Variants in COX15 observed in about 807,000 individuals in gnomAD.
The protein encoded by COX15 is heme A synthase COX15.
COX15 carries 51 observed loss-of-function variants against 51.9 expected under a neutral mutation model. The observed-to-expected ratio is 0.98, with a 90% confidence interval of 0.78 to 1.24. The LOEUF (loss-of-function observed/expected upper bound fraction) is 1.24, where lower values mean the gene tolerates loss of function less well. COX15 is among the 50% of genes most tolerant of loss of function. The probability of loss-of-function intolerance (pLI) is 0.00; values close to 1 mark genes in which losing one functional copy is unlikely to be tolerated. For synonymous variants in COX15, 188 were observed against 190.5 expected (o/e 0.99, Z 0.11); for missense variants, 420 against 501.1 (o/e 0.84, Z 1.55).
At chr10:99,720,943 A>C in intron 6 of COX15, 44 bp downstream of exon 6, 1 of 1,498,636 alleles carries the variant, frequency 6.7e-7, no homozygotes, top group East Asian at 2.3e-5. Flanking sequence ...GTCCCAGCTT[A>C]GAGTGCAATG....
chr10:99,728,041 G>C (rs1026034681), intron 2 of COX15, among the ~76,000 whole-genome samples: 1 of 152,128 alleles, frequency 6.6e-6, no homozygotes, highest in Non-Finnish European at 1.5e-5. Flanking sequence ...TAAGGGACGT[G>C]GAATGTGAAG....
rs2036415188 is a variant in COX15, at chr10:99,712,185, T to C, written c.*2402A>G. The C allele has an allele frequency of 1.0e-6, 1 of 971,504 alleles. No individual in the cohort carries two copies. The highest frequency in any genetic ancestry group is 1.2e-6 in the Non-Finnish European group (1 of 817,424). The allele number at this position is 971,504 out of a possible 1,614,324, so 60.2% of individuals were successfully genotyped here. On this transcript the variant is annotated 3_prime_UTR_variant, in exon 9 of 9. Transcript: ENST00000016171. ...TGAATGTCACACTTTGAACATGAGATTTGGAGGGGACAAAACATCCAAACC... is the reference window on the plus strand; with the variant it reads ...TGAATGTCACACTTTGAACATGAGACTTGGAGGGGACAAAACATCCAAACC...
chr10:99,729,877 T>C lies in COX15; in HGVS notation c.91-143A>G, dbSNP rs369039289. On this transcript the variant is annotated intron_variant, in intron 1 of 8. Coordinates refer to ENST00000016171, the MANE Select transcript of COX15 (RefSeq NM_078470.6). Reference sequence around the variant, plus strand: ...AGTCATCATCTCTTATCTGGATTACTGCATCAGCCTTCCAACTGGTTTTCC... The same window carrying C: ...AGTCATCATCTCTTATCTGGATTACCGCATCAGCCTTCCAACTGGTTTTCC... The C allele has an allele frequency of 1.4e-5, 12 of 846,290 alleles. No homozygotes were observed. In the African/African-American group the frequency reaches 2.0e-4, roughly 14 times the overall value. 52.4% of individuals were successfully genotyped at this position (846,290 alleles called of 1,614,324 possible).
chr10:99,713,241 AATGAT>A lies in COX15; in HGVS notation c.*1341_*1345del, dbSNP rs2036455157. On this transcript the variant is annotated 3_prime_UTR_variant, in exon 9 of 9. Transcript: ENST00000016171. ...CTAAAATCCCGTCTTTTTTATATGAAATGATATAAGGCCAGGTTTCTTCAGCCCAA... is the reference window on the plus strand; with the variant it reads ...CTAAAATCCCGTCTTTTTTATATGAAATAAGGCCAGGTTTCTTCAGCCCAA... 1.4e-6 allele frequency: 2 copies of A among 1,424,704 alleles called. No individual in the cohort carries two copies. Among genetic ancestry groups the A allele is most frequent in the African/African-American group, 1.4e-5 (1 of 69,260 alleles). 88.3% of individuals were successfully genotyped at this position (1,424,704 alleles called of 1,614,324 possible).
At chr10:99,702,057 A>C in the COX15 span, among the ~76,000 whole-genome samples, 1 of 151,694 alleles carries the variant, frequency 6.6e-6, no homozygotes, top group African/African-American at 2.4e-5. Context: ...TCAAAAAAAA[A>C]CAAAAATTGT....
intron 1 of COX15, among the ~76,000 whole-genome samples, chr10:99,730,830 G>C (rs755604266): frequency 5.9e-5 from 9 of 152,192 alleles, no homozygotes; most frequent in Non-Finnish European, 7.3e-5. Context: ...GGAGGCCAAG[G>C]TGAGAGGATC....
chr10:99,709,594 A>C, downstream of COX15: 1 of 985,124 alleles, frequency 1.0e-6, no homozygotes. Flanking sequence ...TCAAATTGAA[A>C]ACTTTTAGGT....
chr10:99,724,863 T>C (rs1180565465), intron 4 of COX15, among the ~76,000 whole-genome samples: 1 of 152,144 alleles, frequency 6.6e-6, no homozygotes, highest in East Asian at 1.9e-4. Context: ...ATTATAAAAG[T>C]TTCAGGGGAA....
chr10:99,703,682 A>G, the COX15 span, among the ~76,000 whole-genome samples: 3 of 152,034 alleles, frequency 2.0e-5, no homozygotes, highest in African/African-American at 7.2e-5. Flanking sequence ...CTTTATTTAG[A>G]TATATCCTAG....
chr10:99,730,067 C>G (rs1469707606), intron 1 of COX15, among the ~76,000 whole-genome samples: 2 of 152,140 alleles, frequency 1.3e-5, no homozygotes, highest in Non-Finnish European at 2.9e-5. Flanking sequence ...TTCCTTTCCC[C>G]TGATTAATAA....
downstream of COX15, chr10:99,709,262 G>A (rs886046595): frequency 4.1e-6 from 4 of 985,092 alleles, no homozygotes; most frequent in Non-Finnish European, 4.8e-6. Flanking sequence ...GTTTCTTTTT[G>A]TTGTCTTTAA....
At position 99,727,061 on chromosome 10, in the gene COX15, G is replaced by A. The variant is rs2036978882; in HGVS notation, c.489C>T (p.Tyr163=). ...RMWGRLVGLV[Y]ILPAAYFWRK... is the part of the protein sequence containing the mutation. ...TCCAAAAGTAGGCAGCAGGCAGGAT[G>A]TACACAAGGCCTACAAGGCGACCCC... The change falls in exon 4 of 9, where the codon TAC becomes TAT. Residue 163 remains tyrosine (Y), a synonymous_variant. Transcript: ENST00000016171. The A allele has an allele frequency of 1.2e-6, 2 of 1,614,206 alleles. No individual in the cohort carries two copies. Among genetic ancestry groups the A allele is most frequent in the South Asian group, 1.1e-5 (1 of 91,086 alleles).
chr10:99,707,733 A>G (rs149854290), downstream of COX15, among the ~76,000 whole-genome samples: 16 of 152,356 alleles, frequency 1.1e-4, no homozygotes, highest in African/African-American at 3.6e-4. Context: ...TGATAGCACA[A>G]TCCATCACTT....
At position 99,712,392 on chromosome 10, in the gene COX15, A is replaced by G; in HGVS notation, c.*2195T>C. ...TCTTGAAATTAGTTCCCAACACTTAATTGAGAGCTTTCACAGAAAAATCTA... is the reference window on the plus strand; with the variant it reads ...TCTTGAAATTAGTTCCCAACACTTAGTTGAGAGCTTTCACAGAAAAATCTA... On this transcript the variant is annotated 3_prime_UTR_variant, in exon 9 of 9. Transcript: ENST00000016171. The G allele has an allele frequency of 1.0e-6, 1 of 985,418 alleles. No individual in the cohort carries two copies. The highest frequency in any genetic ancestry group is 1.2e-6 in the Non-Finnish European group (1 of 829,918). The allele number at this position is 985,418 out of a possible 1,614,324, so 61.0% of individuals were successfully genotyped here. A position where few individuals can be genotyped will look rare whatever the true frequency, so the allele number is the denominator to read the frequency against.
chr10:99,695,453 C>T, the COX15 span, among the ~76,000 whole-genome samples: 1 of 151,404 alleles, frequency 6.6e-6, no homozygotes, highest in African/African-American at 2.4e-5. Flanking sequence ...ACCCGGGAGG[C>T]GGAGGTTGCA....
the COX15 span, chr10:99,695,996 G>T: frequency 6.2e-7 from 1 of 1,614,048 alleles, no homozygotes; most frequent in Non-Finnish European, 8.5e-7. Flanking sequence ...TTCAACCTGG[G>T]CTGTGATGTG....
chr10:99,713,692 G>A lies in COX15; in HGVS notation c.*895C>T. Reference sequence around the variant, plus strand: ...AGCCTTATCAAAAGAGGAACTAGCTGGGCGTGGTGGCCCATGCCTGTAATC... The same window carrying A: ...AGCCTTATCAAAAGAGGAACTAGCTAGGCGTGGTGGCCCATGCCTGTAATC... On this transcript the variant is annotated 3_prime_UTR_variant, in exon 9 of 9. Transcript: ENST00000016171. 1.4e-6 allele frequency: 1 copy of A among 728,590 alleles called. No homozygotes were observed. The highest frequency in any genetic ancestry group is 2.1e-6 in the Non-Finnish European group (1 of 470,102). 45.1% of individuals were successfully genotyped at this position (728,590 alleles called of 1,614,324 possible).
intron 4 of COX15, among the ~76,000 whole-genome samples, chr10:99,725,042 A>C (rs1049086883): frequency 2.0e-5 from 3 of 152,240 alleles, no homozygotes; most frequent in Non-Finnish European, 4.4e-5. Flanking sequence ...AAAAGTTGGT[A>C]ATGAACGTAC....
intron 8 of COX15, among the ~76,000 whole-genome samples, chr10:99,715,228 C>T (rs1003001626): frequency 6.6e-6 from 1 of 152,134 alleles, no homozygotes; most frequent in African/African-American, 2.4e-5. Flanking sequence ...ACCTCCACTT[C>T]CAGGGCTCAA....
Sources: allele counts gnomAD v4.1 joint callset (sites outside exome capture counted in the v4.1 genomes callset), GRCh38; gene constraint gnomAD v4.1.1; transcripts MANE v1.5; gene names NCBI Gene and HGNC (gene_info 2026-07-23, HGNC 2026-07-21).